The following MROH9 variants were observed in gnomAD, a reference collection of about 807,000 sequenced individuals.
The protein encoded by MROH9 is maestro heat-like repeat-containing protein family member 9.
Under a neutral mutation model 98.2 loss-of-function variants are expected in MROH9, and 92 were observed. That is an observed-to-expected ratio of 0.94 (90% CI 0.79 to 1.11). MROH9 has a LOEUF of 1.11. MROH9 is among the 50% of genes most tolerant of loss of function. The pLI, the probability that MROH9 is intolerant of heterozygous loss-of-function variation, is 0.00. For missense variants in MROH9, 1,057 were observed against 1,014.8 expected (o/e 1.04, Z -0.57); for synonymous variants, 397 against 368.9 (o/e 1.08, Z -0.87).
At chr1:170,982,343 C>T (rs975096055) in intron 8 of MROH9, among the ~76,000 whole-genome samples, 3 of 151,896 alleles carry the variant, frequency 2.0e-5, no homozygotes, top group Non-Finnish European at 2.9e-5. Context: ...AGCCAATCCC[C>T]CCAAAAAAGA....
rs1164979500 is a variant in MROH9, at chr1:171,041,412, C to T, written c.2281+15992C>T. Among the ~76,000 whole-genome samples the T allele has an allele frequency of 2.0e-4, 25 of 124,890 alleles. 1 individual carries two copies. The highest frequency in any genetic ancestry group is 7.6e-4 in the Admixed American group (10 of 13,104). The allele number at this position is 124,890 out of a possible 152,430, so 81.9% of individuals were successfully genotyped here. Reference sequence around the variant, plus strand: ...GTATGTATTGGTCAAGATACATACACACACACACACACACACACACACACA... The same window carrying T: ...GTATGTATTGGTCAAGATACATACATACACACACACACACACACACACACA... On this transcript the variant is annotated intron_variant, in intron 20 of 21. Transcript: ENST00000367759.
intron 8 of MROH9, among the ~76,000 whole-genome samples, chr1:170,979,294 A>T (rs192768430): frequency 1.0e-3 from 155 of 152,302 alleles, no homozygotes; most frequent in Middle Eastern, 6.8e-3. Context: ...CATCAGAAAC[A>T]AGGCAAGGAT....
At chr1:171,027,929 C>G (rs943466803) in intron 20 of MROH9, among the ~76,000 whole-genome samples, 10 of 152,040 alleles carry the variant, frequency 6.6e-5, no homozygotes, top group African/African-American at 2.2e-4. Flanking sequence ...CTTGTAGATT[C>G]TGGATATTAG....
intron 15 of MROH9, 161 bp downstream of exon 15, chr1:170,998,435 G>A (rs372454379): frequency 1.3e-6 from 2 of 1,584,420 alleles, no homozygotes; most frequent in Non-Finnish European, 1.7e-6. Context: ...GAGGTGTGGA[G>A]TTAGATCTGG....
At chr1:170,945,310 C>G (rs965420334) in intron 1 of MROH9, among the ~76,000 whole-genome samples, 4 of 152,174 alleles carry the variant, frequency 2.6e-5, no homozygotes, top group South Asian at 2.1e-4. Flanking sequence ...GAGCAGACTA[C>G]AGCTAAACTG....
chr1:170,965,367 A>G lies in MROH9; in HGVS notation c.480+112A>G, dbSNP rs1650193841. 4.4e-6 allele frequency: 3 copies of G among 675,608 alleles called. No individual in the cohort carries two copies. The South Asian group carries it at 6.3e-5, about 14-fold the overall frequency. 41.9% of individuals were successfully genotyped at this position (675,608 alleles called of 1,614,324 possible). On this transcript the variant is annotated intron_variant, in intron 7 of 21. Transcript: ENST00000367759. ...CTTGACAGGTCCTTGGTATTATTGTACTGGTAGGTTGGTTGGGATATCAGA... is the reference window on the plus strand; with the variant it reads ...CTTGACAGGTCCTTGGTATTATTGTGCTGGTAGGTTGGTTGGGATATCAGA...
chr1:171,004,290 A>C (rs1007845418), intron 15 of MROH9, among the ~76,000 whole-genome samples: 1 of 152,084 alleles, frequency 6.6e-6, no homozygotes, highest in Non-Finnish European at 1.5e-5. Context: ...TCAAATTGTT[A>C]TAAAGTTCAG....
chr1:171,025,433 C>T lies in MROH9; in HGVS notation c.2281+13C>T. ...GTTATTTTGATAGGTAAATATAATT[C>T]AGTTCTCAATTCCTAACTTGTCTTA... On this transcript the variant is annotated intron_variant, in intron 20 of 21. Transcript: ENST00000367759. 2 of 1,465,712 alleles carry T rather than the reference C, an allele frequency of 1.4e-6. No individual in the cohort carries two copies. Among genetic ancestry groups the T allele is most frequent in the Non-Finnish European group, 1.9e-6 (2 of 1,070,658 alleles). 90.8% of individuals were successfully genotyped at this position (1,465,712 alleles called of 1,614,324 possible).
In MROH9 at chr1:170,989,967, T is replaced by C. The variant is rs1221515933; in HGVS notation, c.992T>C (p.Ile331Thr). The C allele has an allele frequency of 1.2e-6, 2 of 1,613,096 alleles. No homozygotes were observed. The highest frequency in any genetic ancestry group is 3.3e-5 in the Admixed American group (2 of 59,914). ...ACATGCACTTCACCCAAGAAGGTCATCTTTCAACTTATGGACTACCCAGTT... is the reference window on the plus strand; with the variant it reads ...ACATGCACTTCACCCAAGAAGGTCACCTTTCAACTTATGGACTACCCAGTT... ...LLTCTSPKKV[I>T]FQLMDYPVPA... Residue 331 changes from isoleucine to threonine, a missense_variant, in exon 11 of 22, where the codon ATC (isoleucine) becomes ACC (threonine). Coordinates refer to ENST00000367759, the MANE Select transcript of MROH9 (RefSeq NM_001163629.2).
intron 15 of MROH9, among the ~76,000 whole-genome samples, chr1:171,004,020 T>C (rs1411628934): frequency 6.6e-6 from 1 of 151,800 alleles, no homozygotes; most frequent in African/African-American, 2.4e-5. Flanking sequence ...TCAGGGAAGT[T>C]GGGGAAAGTG....
rs1650097022 is a variant in MROH9, at chr1:170,963,258, G to A, written c.375+1282G>A. 2.6e-5 allele frequency among the ~76,000 whole-genome samples: 4 copies of A among 152,076 alleles called. No individual in the cohort carries two copies. The South Asian group carries it at 8.3e-4, about 31-fold the overall frequency. On this transcript the variant is annotated intron_variant, in intron 6 of 21. Coordinates refer to ENST00000367759, the MANE Select transcript of MROH9 (RefSeq NM_001163629.2). ...CAACCTCATTGATGATTAAAGAAAT[G>A]CAAATCAAAACCACAATGAGATACC...
chr1:171,053,276 G>A (rs1461735324), intron 20 of MROH9, among the ~76,000 whole-genome samples: 1 of 152,168 alleles, frequency 6.6e-6, no homozygotes, highest in Non-Finnish European at 1.5e-5. Context: ...AACAATGATT[G>A]ACTTTGGGTG....
chr1:171,016,788 ATGTT>A (rs911660243), intron 17 of MROH9, among the ~76,000 whole-genome samples: 4 of 152,190 alleles, frequency 2.6e-5, no homozygotes, highest in African/African-American at 4.8e-5. Flanking sequence ...CCCCAAATAA[ATGTT>A]TGTTATTATC....
At chr1:171,041,347 ATGTGTGTGTGTGTGTG>A (rs377650131) in intron 20 of MROH9, among the ~76,000 whole-genome samples, 52 of 80,642 alleles carry the variant, frequency 6.4e-4, no homozygotes, top group African/African-American at 2.0e-3. Context: ...GTATTCCATG[ATGTGTGTGTGTGTGTG>A]TGTGTGTGTG....
In MROH9 at chr1:170,992,226, A is replaced by C. The variant is rs757325841; in HGVS notation, c.1091A>C (p.Lys364Thr). ...GCGAGCGTGGCCCCTCACGTGCTGA[A>C]GACAATCTTATTGATACTGAAAGGA... Reference protein sequence around the residue: ...SQASVAPHVLKTILLILKGKP... With the variant: ...SQASVAPHVLTTILLILKGKP... Residue 364 changes from lysine to threonine, a missense_variant, in exon 12 of 22, where the codon AAG (lysine) becomes ACG (threonine). Coordinates refer to ENST00000367759, the MANE Select transcript of MROH9 (RefSeq NM_001163629.2). The C allele has an allele frequency of 1.2e-6, 2 of 1,613,568 alleles. No homozygotes were observed. The highest frequency in any genetic ancestry group is 1.7e-6 in the Non-Finnish European group (2 of 1,179,698).
In MROH9 at chr1:170,957,829, G is replaced by C. The variant is rs577820775; in HGVS notation, c.73-632G>C. ...TTTTTTGTTTGTTTGTTTTTTTTGA[G>C]ACAGAGTCTCTCTCTGTCACCCAGG... On this transcript the variant is annotated intron_variant, in intron 3 of 21. Coordinates refer to ENST00000367759, the MANE Select transcript of MROH9 (RefSeq NM_001163629.2). 2.8e-5 allele frequency among the ~76,000 whole-genome samples: 4 copies of C among 141,950 alleles called. No individual in the cohort carries two copies. The East Asian group carries it at 8.1e-4, about 29-fold the overall frequency. 93.1% of individuals were successfully genotyped at this position (141,950 alleles called of 152,430 possible).
chr1:170,945,531 G>C lies in MROH9; in HGVS notation c.-26G>C. ...GATATTTTTTGCAGCATTACTAGTAGAAGACTTTAATACACCTCTGTCAGC... is the reference window on the plus strand; with the variant it reads ...GATATTTTTTGCAGCATTACTAGTACAAGACTTTAATACACCTCTGTCAGC... On this transcript the variant is annotated 5_prime_UTR_variant, in exon 2 of 22. Transcript: ENST00000367759. 2 of 1,611,786 alleles carry C rather than the reference G, an allele frequency of 1.2e-6. No individual in the cohort carries two copies. Among genetic ancestry groups the C allele is most frequent in the East Asian group, 4.5e-5 (2 of 44,774 alleles).
chr1:171,029,394 G>C (rs963458637), intron 20 of MROH9, among the ~76,000 whole-genome samples: 8 of 152,008 alleles, frequency 5.3e-5, no homozygotes, highest in African/African-American at 1.4e-4. Context: ...ATTTTTAGTA[G>C]AGACGAGGTT....
At chr1:171,006,350 ATC>A (rs1203973741) in intron 15 of MROH9, among the ~76,000 whole-genome samples, 3 of 152,018 alleles carry the variant, frequency 2.0e-5, no homozygotes, top group African/African-American at 2.4e-5. Context: ...TTTCAAGCTT[ATC>A]TCTTTTTTTT....
Sources: gnomAD v4.1 joint callset for allele counts (sites outside exome capture counted in the v4.1 genomes callset) on GRCh38, gnomAD v4.1.1 for gene constraint, MANE v1.5 for transcripts, NCBI Gene and HGNC (gene_info 2026-07-23, HGNC 2026-07-21) for gene names.